Variants in OSBPL10 observed in about 807,000 individuals in gnomAD.
OSBPL10 encodes the protein oxysterol binding protein like 10, also known as oxysterol-binding protein-related protein 10.
In OSBPL10, 49 loss-of-function variants were observed where a neutral mutation model predicts 81.7. That is an observed-to-expected ratio of 0.60 (90% confidence interval 0.48 to 0.76). The LOEUF is 0.76. OSBPL10 is among the 30% of genes least tolerant of loss of function. The pLI, the probability that OSBPL10 is intolerant of heterozygous loss-of-function variation, is 0.00. For synonymous variants in OSBPL10, 419 were observed against 383.6 expected (o/e 1.09, Z -1.08); for missense variants, 923 against 987.8 (o/e 0.93, Z 0.88).
In OSBPL10 at chr3:31,662,131, A is replaced by G; in HGVS notation, c.2251-15T>C. 6.2e-7 allele frequency: 1 copy of G among 1,614,052 alleles called. No homozygotes were observed. The highest frequency in any genetic ancestry group is 1.1e-5 in the South Asian group (1 of 91,050). Reference sequence around the variant, plus strand: ...CAGCCATCGCCCTGCAAGAGAAGAAAGGAGGCATTATTACATGGAGACCTC... The same window carrying G: ...CAGCCATCGCCCTGCAAGAGAAGAAGGGAGGCATTATTACATGGAGACCTC... On this transcript the variant is annotated splice_polypyrimidine_tract_variant and intron_variant, in intron 11 of 11. Coordinates refer to ENST00000396556, the MANE Select transcript of OSBPL10 (RefSeq NM_017784.5).
At chr3:31,758,511 C>T (rs1449460221) in intron 4 of OSBPL10, among the ~76,000 whole-genome samples, 1 of 152,156 alleles carries the variant, frequency 6.6e-6, no homozygotes. Context: ...CAACTCCACC[C>T]CCATTTCAAT....
intron 4 of OSBPL10, chr3:31,797,830 A>C (rs1405825787): frequency 2.2e-6 from 1 of 456,206 alleles, no homozygotes; most frequent in South Asian, 1.6e-5. Flanking sequence ...TGTTGAGCAT[A>C]CAAGCCTTCA....
chr3:32,039,697 G>A (rs913056695), intron 2 of OSBPL10, among the ~76,000 whole-genome samples: 16 of 151,922 alleles, frequency 1.1e-4, no homozygotes, highest in Non-Finnish European at 7.4e-5. Context: ...ATTATTTTAA[G>A]GAGAAGCAAA....
At chr3:31,859,959 A>C (rs1406738929) in intron 3 of OSBPL10, among the ~76,000 whole-genome samples, 1 of 152,154 alleles carries the variant, frequency 6.6e-6, no homozygotes, top group Non-Finnish European at 1.5e-5. Flanking sequence ...ATGGACTTGG[A>C]GATTGCCATG....
At chr3:32,042,981 C>T (rs569486373) in intron 2 of OSBPL10, among the ~76,000 whole-genome samples, 1 of 152,272 alleles carries the variant, frequency 6.6e-6, no homozygotes, top group African/African-American at 2.4e-5. Context: ...TCTTGATAAA[C>T]ATCTTAAACA....
intron 1 of OSBPL10, among the ~76,000 whole-genome samples, chr3:31,954,514 G>A (rs1010669473): frequency 6.6e-6 from 1 of 152,188 alleles, no homozygotes; most frequent in African/African-American, 2.4e-5. Flanking sequence ...GAGGAAGCCA[G>A]ACACAGTAAG....
At chr3:31,987,291 A>C (rs550834629) in intron 2 of OSBPL10, among the ~76,000 whole-genome samples, 3 of 152,216 alleles carry the variant, frequency 2.0e-5, no homozygotes, top group Non-Finnish European at 4.4e-5. Context: ...CTTTAGAGCT[A>C]TATTATCCTT....
chr3:31,889,752 T>C (rs907722775), intron 1 of OSBPL10, among the ~76,000 whole-genome samples: 8 of 152,128 alleles, frequency 5.3e-5, no homozygotes, highest in Non-Finnish European at 1.0e-4. Flanking sequence ...CACAATACAA[T>C]GATGCTAATG....
At chr3:32,072,503 A>G (rs1699838678) in intron 1 of OSBPL10, among the ~76,000 whole-genome samples, 1 of 152,148 alleles carries the variant, frequency 6.6e-6, no homozygotes, top group African/African-American at 2.4e-5. Context: ...TTCCAGCCTC[A>G]CAGGCCCATT....
Position 31,690,919 on chromosome 3 carries a change from C to CT in OSBPL10, c.1246-6806dup, listed in dbSNP as rs10706251. ...CCTACAATCTCCTGGGCACCCTCTC[C>CT]TTTTTTTTTTTTGGTGTGTTTGCAA... is the stretch of plus-strand genomic sequence containing the variant. On this transcript the variant is annotated intron_variant, in intron 7 of 11. Transcript: ENST00000396556. Among the ~76,000 whole-genome samples, 386 of 148,124 alleles carry CT rather than the reference C, an allele frequency of 2.6e-3. 2 individuals are homozygous for CT. The highest frequency in any genetic ancestry group is 0.017 in the Middle Eastern group (5 of 288).
intron 4 of OSBPL10, among the ~76,000 whole-genome samples, chr3:31,771,109 ATGC>A (rs1248376202): frequency 4.6e-5 from 7 of 152,166 alleles, no homozygotes; most frequent in African/African-American, 1.7e-4. Flanking sequence ...TCACTCAGAA[ATGC>A]TGCTAATACA....
intron 4 of OSBPL10, among the ~76,000 whole-genome samples, chr3:31,822,887 C>A: frequency 8.0e-6 from 1 of 124,542 alleles, no homozygotes; most frequent in East Asian, 2.4e-4. Flanking sequence ...ATACTCCAGC[C>A]TCCAACAGAG....
intron 6 of OSBPL10, among the ~76,000 whole-genome samples, chr3:31,705,488 AC>A (rs1239738857): frequency 6.6e-6 from 1 of 151,746 alleles, no homozygotes; most frequent in African/African-American, 2.4e-5. Flanking sequence ...ATACCAATCT[AC>A]TGGCAACCAC....
chr3:31,915,192 T>C (rs1412747760), intron 1 of OSBPL10, among the ~76,000 whole-genome samples: 1 of 151,342 alleles, frequency 6.6e-6, no homozygotes, highest in Non-Finnish European at 1.5e-5. Context: ...CATTGAATGG[T>C]AACAGGGGGG....
rs1697822273 is a variant in OSBPL10, at chr3:31,754,349, C to G, written c.730-6229G>C. On this transcript the variant is annotated intron_variant, in intron 4 of 11. Coordinates refer to ENST00000396556, the MANE Select transcript of OSBPL10 (RefSeq NM_017784.5). ...GTACAGAACTTCCAAAAACACATTT[C>G]TCTCAGTAGGGCTAAGAGAGTGACG... Among the ~76,000 whole-genome samples, 4 of 152,142 alleles carry G rather than the reference C, an allele frequency of 2.6e-5. No individual in the cohort carries two copies. The East Asian group carries it at 7.7e-4, about 29-fold the overall frequency.
At chr3:31,789,970 TTAATA>T (rs964314942) in intron 4 of OSBPL10, among the ~76,000 whole-genome samples, 2 of 152,138 alleles carry the variant, frequency 1.3e-5, no homozygotes, top group African/African-American at 4.8e-5. Flanking sequence ...TTTTTTTTGC[TTAATA>T]TATTACAAAT....
intron 7 of OSBPL10, among the ~76,000 whole-genome samples, chr3:31,690,208 C>T (rs1338432526): frequency 6.6e-6 from 1 of 152,116 alleles, no homozygotes; most frequent in Non-Finnish European, 1.5e-5. Flanking sequence ...TTGCTGTTCT[C>T]ATGATAGTGA....
Position 31,670,789 on chromosome 3 carries a change from G to A in OSBPL10, c.1913+8C>T. 5 of 1,612,120 alleles carry A rather than the reference G, an allele frequency of 3.1e-6. No individual in the cohort carries two copies. The highest frequency in any genetic ancestry group is 4.2e-6 in the Non-Finnish European group (5 of 1,178,792). ...GACAAAGCCAGAGTCTCTCCGGCCAGCTCCTACCTGTGGACTTTCCCTCCA... is the reference window on the plus strand; with the variant it reads ...GACAAAGCCAGAGTCTCTCCGGCCAACTCCTACCTGTGGACTTTCCCTCCA... On this transcript the variant is annotated splice_region_variant and intron_variant, in intron 9 of 11. Transcript: ENST00000396556.
chr3:31,833,519 A>C (rs1039325478), intron 3 of OSBPL10, among the ~76,000 whole-genome samples: 3 of 152,214 alleles, frequency 2.0e-5, no homozygotes, highest in Admixed American at 6.5e-5. Flanking sequence ...AACTTGAACA[A>C]TGAAAACCTT....
Sources: allele counts gnomAD v4.1 joint callset (sites outside exome capture counted in the v4.1 genomes callset), GRCh38; gene constraint gnomAD v4.1.1; transcripts MANE v1.5; gene names NCBI Gene and HGNC (gene_info 2026-07-23, HGNC 2026-07-21).